Variants in INTS9 observed in about 807,000 individuals in gnomAD.
The protein encoded by INTS9 is integrator complex subunit 9, also known as protein related to CPSF subunits of 74 kDa.
A neutral mutation model predicts 79.7 loss-of-function variants in INTS9; 55 were observed. The ratio of observed to expected loss-of-function variants is 0.69; its 90% CI spans 0.56 to 0.86. The LOEUF is 0.86. Ranked by LOEUF, INTS9 falls within the 40% of genes least tolerant of loss-of-function variation. INTS9 has a pLI of 0.00. For synonymous variants in INTS9, 319 were observed against 325.2 expected (o/e 0.98, Z 0.20); for missense variants, 721 against 831.5 (o/e 0.87, Z 1.64).
intron 6 of INTS9, among the ~76,000 whole-genome samples, chr8:28,824,542 T>A (rs368613019): frequency 7.7e-4 from 117 of 152,322 alleles, no homozygotes; most frequent in African/African-American, 2.5e-3. Flanking sequence ...TTCTCTCAGA[T>A]CTTGTGACCC....
chr8:28,880,246 CT>C (rs1180615928), intron 1 of INTS9, among the ~76,000 whole-genome samples: 5 of 141,116 alleles, frequency 3.5e-5, no homozygotes, highest in African/African-American at 5.5e-5. Flanking sequence ...CCCTCTCCCT[CT>C]CCCTCTCCCT....
At chr8:28,876,354 G>C (rs911772113) in intron 1 of INTS9, among the ~76,000 whole-genome samples, 1 of 152,034 alleles carries the variant, frequency 6.6e-6, no homozygotes. Context: ...TCAAAAGTCT[G>C]GAAAGGGCTT....
At chr8:28,779,106 A>G (rs181639220) in intron 12 of INTS9, among the ~76,000 whole-genome samples, 5 of 151,802 alleles carry the variant, frequency 3.3e-5, no homozygotes, top group East Asian at 1.9e-4. Context: ...TGCTGTCACC[A>G]CTGTCATGTC....
intron 8 of INTS9, among the ~76,000 whole-genome samples, chr8:28,807,482 T>C (rs1437883768): frequency 6.6e-6 from 1 of 152,162 alleles, no homozygotes; most frequent in East Asian, 1.9e-4. Context: ...TAAACTTCAA[T>C]AAAATATTCA....
intron 2 of INTS9, among the ~76,000 whole-genome samples, chr8:28,856,032 T>C (rs752688462): frequency 9.9e-5 from 15 of 152,208 alleles, no homozygotes; most frequent in Non-Finnish European, 2.1e-4. Context: ...TTTCTGTAAA[T>C]CTGTAGGATT....
intron 6 of INTS9, among the ~76,000 whole-genome samples, chr8:28,817,699 T>C (rs1237437669): frequency 6.7e-6 from 1 of 149,534 alleles, no homozygotes; most frequent in Non-Finnish European, 1.5e-5. Flanking sequence ...AAGAAAGTCA[T>C]TGGTAGCTTG....
At position 28,792,132 on chromosome 8, in the gene INTS9, T is replaced by C. The variant is rs377667617; in HGVS notation, c.1037+1675A>G. ...GAATGAATGGATCACTCAATCAGGA[T>C]AGTCTAGAAACAAAACCTGGTGCAT... On this transcript the variant is annotated intron_variant, in intron 10 of 16. Transcript: ENST00000521022. Among the ~76,000 whole-genome samples, 49 of 152,346 alleles carry C rather than the reference T, an allele frequency of 3.2e-4. 1 individual carries two copies. In the South Asian group the frequency reaches 9.9e-3, roughly 31 times the overall value.
At chr8:28,828,304 G>C (rs896158624) in intron 6 of INTS9, among the ~76,000 whole-genome samples, 1 of 152,182 alleles carries the variant, frequency 6.6e-6, no homozygotes, top group Non-Finnish European at 1.5e-5. Flanking sequence ...AAGTAAATTA[G>C]GCTGCAGAAG....
intron 14 of INTS9, among the ~76,000 whole-genome samples, chr8:28,772,595 C>G (rs1019311770): frequency 6.6e-6 from 1 of 151,866 alleles, no homozygotes; most frequent in Non-Finnish European, 1.5e-5. Context: ...ATCACAAGGT[C>G]AGGAGATCAA....
chr8:28,835,288 T>A lies in INTS9; in HGVS notation c.488+4A>T, dbSNP rs1369184651. The A allele has an allele frequency of 6.2e-7, 1 of 1,610,420 alleles. No homozygotes were observed. The highest frequency in any genetic ancestry group is 1.3e-5 in the African/African-American group (1 of 74,858). ...TCTCGGTAAGAGAGTGGTCTGTTCC[T>A]CACCTCTGAATGTCCTTATTCTTCC... is the stretch of plus-strand genomic sequence containing the variant. On this transcript the variant is annotated splice_donor_region_variant and intron_variant, in intron 6 of 16. Coordinates refer to ENST00000521022, the MANE Select transcript of INTS9 (RefSeq NM_018250.4).
intron 1 of INTS9, among the ~76,000 whole-genome samples, chr8:28,886,584 A>G (rs1810187808): frequency 6.6e-6 from 1 of 152,186 alleles, no homozygotes; most frequent in African/African-American, 2.4e-5. Flanking sequence ...ATTTAAAGCT[A>G]ATTTTTAAAA....
intron 6 of INTS9, among the ~76,000 whole-genome samples, chr8:28,822,989 GA>G (rs1255861766): frequency 6.6e-6 from 1 of 152,088 alleles, no homozygotes; most frequent in Admixed American, 6.6e-5. Flanking sequence ...CCAGAAAACA[GA>G]ATAAAGAAGC....
intron 4 of INTS9, among the ~76,000 whole-genome samples, chr8:28,843,783 G>C (rs1290293796): frequency 6.7e-6 from 1 of 150,092 alleles, no homozygotes; most frequent in Admixed American, 6.7e-5. Context: ...CCTTATGCTG[G>C]ATTCATTTGT....
chr8:28,837,809 GT>G, intron 4 of INTS9, 33 bp from the exon 5 acceptor site: 1 of 1,575,808 alleles, frequency 6.3e-7, no homozygotes, highest in Non-Finnish European at 8.7e-7. Context: ...ATATATATCT[GT>G]TCAGGGATCG....
At chr8:28,889,324 C>T (rs980634096) in intron 1 of INTS9, among the ~76,000 whole-genome samples, 47 of 152,284 alleles carry the variant, frequency 3.1e-4, no homozygotes, top group African/African-American at 1.1e-3. Context: ...CTTCTCTGCC[C>T]ATCTAAATCC....
At position 28,767,858 on chromosome 8, in the gene INTS9, T is replaced by A; in HGVS notation, c.*288A>T. 1 of 406,798 alleles carries A rather than the reference T, an allele frequency of 2.5e-6. No homozygotes were observed. Among genetic ancestry groups the A allele is most frequent in the South Asian group, 2.4e-5 (1 of 42,338 alleles). 25.2% of individuals were successfully genotyped at this position (406,798 alleles called of 1,614,324 possible). On this transcript the variant is annotated 3_prime_UTR_variant, in exon 17 of 17. Transcript: ENST00000521022. Reference sequence around the variant, plus strand: ...GCCAGCCAGTCACCTCCGCCTCCCATGAACCTCTTGGAAAACTTCTCCTGT... The same window carrying A: ...GCCAGCCAGTCACCTCCGCCTCCCAAGAACCTCTTGGAAAACTTCTCCTGT...
chr8:28,781,096 A>G, intron 11 of INTS9, 102 bp from the exon 12 acceptor site: 1 of 868,246 alleles, frequency 1.2e-6, no homozygotes, highest in Non-Finnish European at 1.8e-6. Context: ...AAATACCAAC[A>G]AAGAAGACAA....
intron 4 of INTS9, among the ~76,000 whole-genome samples, chr8:28,839,647 A>C (rs925286105): frequency 6.6e-6 from 1 of 152,210 alleles, no homozygotes; most frequent in Non-Finnish European, 1.5e-5. Context: ...CATATCTATA[A>C]CTATCTGATC....
intron 4 of INTS9, among the ~76,000 whole-genome samples, chr8:28,842,198 A>T (rs1034101154): frequency 3.5e-4 from 53 of 152,188 alleles, no homozygotes; most frequent in African/African-American, 1.2e-3. Flanking sequence ...TCATCTTCAC[A>T]TTAAACAGAC....
Sources: gnomAD v4.1 joint callset for allele counts (sites outside exome capture counted in the v4.1 genomes callset) on GRCh38, gnomAD v4.1.1 for gene constraint, MANE v1.5 for transcripts, NCBI Gene and HGNC (gene_info 2026-07-23, HGNC 2026-07-21) for gene names.